RUFY1: variants seen among roughly 807,000 people sequenced by gnomAD.
RUFY1 encodes the protein RUN and FYVE domain containing 1.
Under a neutral mutation model 94.6 loss-of-function variants are expected in RUFY1, and 54 were observed. That is an observed-to-expected ratio of 0.57 (90% CI 0.46 to 0.72). RUFY1 has a LOEUF of 0.72. Among genes scored for constraint, RUFY1 ranks in the 30% least tolerant of loss-of-function variants. The pLI is 0.00. For missense variants in RUFY1, 883 were observed against 883.9 expected, an observed-to-expected ratio of 1.00 and a Z score of 0.01; for synonymous variants, 396 against 347.3, an observed-to-expected ratio of 1.14 and a Z score of -1.56.
At chr5:179,559,228 C>T (rs1393273400) in intron 1 of RUFY1, among the ~76,000 whole-genome samples, 1 of 152,170 alleles carries the variant, frequency 6.6e-6, no homozygotes, top group African/African-American at 2.4e-5. Flanking sequence ...GAGCATTTGG[C>T]CAGCACGTAT....
Position 179,609,386 on chromosome 5 carries a change from G to A in RUFY1, c.1994G>A (p.Arg665Gln), listed in dbSNP as rs773803218. 2 of 1,613,294 alleles carry A rather than the reference G, an allele frequency of 1.2e-6. No homozygotes were observed. Among genetic ancestry groups the A allele is most frequent in the South Asian group, 1.1e-5 (1 of 91,050 alleles). Residue 665 changes from arginine (R) to glutamine (Q), a missense_variant, in exon 18 of 18, where the codon CGG becomes CAG. Transcript: ENST00000319449. ...CTTCCCGTCCTGTAGCACCACTGCC[G>A]GAACTGTGGCCACATCTTCTGCAAC... ...FSISRRKHHC[R>Q]NCGHIFCNTC... is the part of the protein sequence containing the mutation.
chr5:179,608,421 G>A (rs2127579750), intron 17 of RUFY1: 1 of 985,504 alleles, frequency 1.0e-6, no homozygotes, highest in East Asian at 1.1e-4. Context: ...TGTCTACAAG[G>A]CCTGGCTGTC....
intron 6 of RUFY1, among the ~76,000 whole-genome samples, chr5:179,579,049 C>CT (rs1468242145): frequency 6.6e-6 from 1 of 152,162 alleles, no homozygotes; most frequent in Non-Finnish European, 1.5e-5. Flanking sequence ...TAGTGATTGC[C>CT]TGTGGAGGCA....
Position 179,569,285 on chromosome 5 carries a change from C to G in RUFY1, c.705-17C>G. Reference sequence around the variant, plus strand: ...AGCTGTTTCTGAGCATCGCCCTGTCCTGTCCATCTCTTTCAGCGAGTTCTA... The same window carrying G: ...AGCTGTTTCTGAGCATCGCCCTGTCGTGTCCATCTCTTTCAGCGAGTTCTA... On this transcript the variant is annotated splice_polypyrimidine_tract_variant and intron_variant, in intron 4 of 17. Coordinates refer to ENST00000319449, the MANE Select transcript of RUFY1 (RefSeq NM_025158.5). The G allele has an allele frequency of 6.2e-7, 1 of 1,613,634 alleles. No individual in the cohort carries two copies. The highest frequency in any genetic ancestry group is 8.5e-7 in the Non-Finnish European group (1 of 1,179,908).
rs781555049 is a variant in RUFY1, at chr5:179,607,548, G to C, written c.1906-34G>C. The C allele has an allele frequency of 3.7e-6, 6 of 1,601,374 alleles. No homozygotes were observed. In the African/African-American group the frequency reaches 8.0e-5, roughly 21 times the overall value. On this transcript the variant is annotated intron_variant, in intron 16 of 17. Transcript: ENST00000319449. ...TACCCACTCATCAGGGGCTTAGACA[G>C]AAAGTGGATTCTAGAATGTCCTTTC...
intron 1 of RUFY1, among the ~76,000 whole-genome samples, chr5:179,554,988 C>T (rs1762038602): frequency 6.6e-6 from 1 of 151,768 alleles, no homozygotes; most frequent in South Asian, 2.1e-4. Flanking sequence ...AGGACAAATA[C>T]TAAATCCTCC....
intron 8 of RUFY1, 121 bp downstream of exon 8, chr5:179,585,986 A>G (rs1046117195): frequency 2.6e-6 from 2 of 756,038 alleles, no homozygotes; most frequent in African/African-American, 3.5e-5. Context: ...GCTAGCCTCC[A>G]GCTACCCCAC....
chr5:179,560,861 A>G (rs1581426927), intron 2 of RUFY1, among the ~76,000 whole-genome samples: 1 of 152,174 alleles, frequency 6.6e-6, no homozygotes, highest in Non-Finnish European at 1.5e-5. Context: ...TGTTAATAAT[A>G]TATTTCATGG....
At chr5:179,552,164 CAAAAAAAAAAA>C (rs563730431) in intron 1 of RUFY1, among the ~76,000 whole-genome samples, 1 of 73,454 alleles carries the variant, frequency 1.4e-5, no homozygotes, top group Non-Finnish European at 2.3e-5. Context: ...GACTCTGTCT[CAAAAAAAAAAA>C]AAAAAAAAAA....
chr5:179,577,812 G>C (rs1157015342), intron 6 of RUFY1, among the ~76,000 whole-genome samples: 3 of 150,320 alleles, frequency 2.0e-5, no homozygotes, highest in Non-Finnish European at 4.4e-5. Context: ...CGCACATCGG[G>C]TGGTGTCCCC....
intron 2 of RUFY1, among the ~76,000 whole-genome samples, chr5:179,561,231 ATTAAT>A (rs1406617435): frequency 1.5e-5 from 2 of 136,188 alleles, no homozygotes; most frequent in African/African-American, 2.5e-5. Flanking sequence ...AAATAAATAA[ATTAAT>A]TAATTAATTA....
At chr5:179,581,388 G>C (rs983153251) in intron 7 of RUFY1, among the ~76,000 whole-genome samples, 6 of 151,902 alleles carry the variant, frequency 3.9e-5, no homozygotes, top group African/African-American at 1.5e-4. Flanking sequence ...AAACCACTGG[G>C]CTAGGCCCTC....
At chr5:179,571,564 C>T (rs1449670658) in intron 5 of RUFY1, among the ~76,000 whole-genome samples, 4 of 151,686 alleles carry the variant, frequency 2.6e-5, no homozygotes, top group South Asian at 4.2e-4. Context: ...TACTCTTGTC[C>T]GTGTATTTCC....
rs750299168 is a variant in RUFY1 at position 179,580,937 on chromosome 5, CT to C, written c.891-6del. ...AAAAAAGTTCTTCCTTCTTATGCTC[CT>C]TTTAAAAGGCATGAAAGAATTACTG... On this transcript the variant is annotated splice_polypyrimidine_tract_variant and intron_variant, in intron 6 of 17. Transcript: ENST00000319449. The C allele has an allele frequency of 3.8e-6, 6 of 1,559,532 alleles. No individual in the cohort carries two copies. The African/African-American group carries it at 6.8e-5, about 18-fold the overall frequency.
chr5:179,595,550 CTTGT>C (rs1246706629), intron 12 of RUFY1, among the ~76,000 whole-genome samples: 4 of 146,948 alleles, frequency 2.7e-5, no homozygotes, highest in African/African-American at 1.0e-4. Flanking sequence ...TTTGTTTGTT[CTTGT>C]TTTTTTTTTT....
intron 8 of RUFY1, among the ~76,000 whole-genome samples, 186 bp downstream of exon 8, chr5:179,586,051 T>G (rs537520193): frequency 6.6e-6 from 1 of 152,288 alleles, no homozygotes; most frequent in Admixed American, 6.5e-5. Context: ...AGTGAGACAC[T>G]GCAGCGGATC....
rs750353707 is a variant in RUFY1, at chr5:179,581,003, G to A, written c.947G>A (p.Arg316Gln). Residue 316 changes from arginine (R) to glutamine (Q), a missense_variant, in exon 7 of 18, where the codon CGG becomes CAG. Coordinates refer to ENST00000319449, the MANE Select transcript of RUFY1 (RefSeq NM_025158.5). The stretch of plus-strand genomic sequence containing the variant: ...AAAAATTATGTGGAAGAACTTAACC[G>A]GCACTTGAGGTAAGACTCCTTTTTT... ...DQKNYVEELN[R>Q]HLSCTVGDLQ... The A allele has an allele frequency of 6.2e-6, 10 of 1,602,962 alleles. No homozygotes were observed. The South Asian group carries it at 6.7e-5, about 11-fold the overall frequency.
Position 179,605,732 on chromosome 5 carries a change from C to T in RUFY1, c.1857-144C>T, listed in dbSNP as rs12513522. On this transcript the variant is annotated intron_variant, in intron 15 of 17. Transcript: ENST00000319449. ...AGGCAACTCTGGGATTGTACAGAGGCGGAAGGCATTTTAACAACTCACGTT... is the reference window on the plus strand; with the variant it reads ...AGGCAACTCTGGGATTGTACAGAGGTGGAAGGCATTTTAACAACTCACGTT... 4.1e-3 allele frequency: 2,915 copies of T among 703,660 alleles called. 62 individuals carry two copies. The African/African-American group carries it at 0.042, about 10-fold the overall frequency. 43.6% of individuals were successfully genotyped at this position (703,660 alleles called of 1,614,324 possible).
chr5:179,607,299 G>A (rs533684981), intron 16 of RUFY1: 1 of 468,444 alleles, frequency 2.1e-6, no homozygotes, highest in African/African-American at 2.0e-5. Flanking sequence ...TTGAAAGTGG[G>A]AGTGTGCCTG....
Sources: gnomAD v4.1 joint callset for allele counts (sites outside exome capture counted in the v4.1 genomes callset) on GRCh38, gnomAD v4.1.1 for gene constraint, MANE v1.5 for transcripts, NCBI Gene and HGNC (gene_info 2026-07-23, HGNC 2026-07-21) for gene names.